Variants in CLASP1 observed in about 807,000 individuals in gnomAD.
CLASP1 encodes cytoplasmic linker associated protein 1, also known as CLIP-associating protein 1.
Under a neutral mutation model 192.3 loss-of-function variants are expected in CLASP1, and 38 were observed. The ratio of observed to expected loss-of-function variants is 0.20; its 90% CI spans 0.15 to 0.26. The LOEUF is 0.26. Ranked by LOEUF, CLASP1 falls within the 10% of genes least tolerant of loss-of-function variation. The probability of loss-of-function intolerance (pLI) is 1.00; values close to 1 mark genes in which losing one functional copy is unlikely to be tolerated. For missense variants in CLASP1, 1,433 were observed against 1,932.5 expected, an observed-to-expected ratio of 0.74 and a Z score of 4.85; for synonymous variants, 691 against 712.8, an observed-to-expected ratio of 0.97 and a Z score of 0.49.
chr2:121,379,307 T>C (rs983123245), intron 33 of CLASP1, among the ~76,000 whole-genome samples: 9 of 152,108 alleles, frequency 5.9e-5, no homozygotes, highest in African/African-American at 2.2e-4. Flanking sequence ...TGAAATTCCA[T>C]GTCTAAACTG....
At chr2:121,498,390 A>G (rs2093620104) in intron 8 of CLASP1, among the ~76,000 whole-genome samples, 2 of 151,654 alleles carry the variant, frequency 1.3e-5, no homozygotes, top group African/African-American at 4.8e-5. Flanking sequence ...GTATTTTTGT[A>G]GAGATGGAGT....
intron 8 of CLASP1, among the ~76,000 whole-genome samples, chr2:121,486,560 A>G (rs2092989058): frequency 6.6e-6 from 1 of 152,220 alleles, no homozygotes; most frequent in African/African-American, 2.4e-5. Flanking sequence ...TATCAGATCT[A>G]CACCCTGTGC....
exon 2 of CLASP1, chr2:121,606,035 T>A: frequency 1.5e-6 from 1 of 664,256 alleles, no homozygotes; most frequent in South Asian, 1.9e-5. Flanking sequence ...ATCTGGGGAA[T>A]GGCAACAATG....
chr2:121,419,347 G>A (rs540455031), intron 22 of CLASP1, among the ~76,000 whole-genome samples: 5 of 151,166 alleles, frequency 3.3e-5, no homozygotes, highest in East Asian at 1.9e-4. Context: ...TCCAATTCTC[G>A]AAACCAGCAG....
intron 22 of CLASP1, among the ~76,000 whole-genome samples, chr2:121,420,687 T>C (rs528661863): frequency 1.3e-5 from 2 of 152,248 alleles, no homozygotes; most frequent in East Asian, 3.9e-4. Flanking sequence ...CCAAAACAAA[T>C]AATAAAAAAG....
At chr2:121,523,162 A>C (rs1389361246) in intron 6 of CLASP1, among the ~76,000 whole-genome samples, 5 of 152,264 alleles carry the variant, frequency 3.3e-5, no homozygotes, top group African/African-American at 4.8e-5. Flanking sequence ...TAGGTGTCTT[A>C]CATTGCGTCA....
intron 36 of CLASP1, chr2:121,364,728 C>G: frequency 4.2e-6 from 1 of 238,772 alleles, no homozygotes; most frequent in South Asian, 6.2e-5. Context: ...AACTTTTTCT[C>G]AATTACATAT....
chr2:121,346,058 A>T (rs1038076655), intron 39 of CLASP1, among the ~76,000 whole-genome samples: 2 of 152,236 alleles, frequency 1.3e-5, no homozygotes, highest in Non-Finnish European at 2.9e-5. Context: ...AATGCTCACC[A>T]GCTGTATCAA....
chr2:121,538,536 C>A (rs1275278174), intron 2 of CLASP1, among the ~76,000 whole-genome samples: 3 of 151,826 alleles, frequency 2.0e-5, no homozygotes, highest in African/African-American at 7.3e-5. Flanking sequence ...GCCTGTAATC[C>A]CAGCAATTTG....
chr2:121,372,170 T>C (rs972490708), intron 34 of CLASP1, among the ~76,000 whole-genome samples: 1 of 152,260 alleles, frequency 6.6e-6, no homozygotes, highest in Non-Finnish European at 1.5e-5. Context: ...ATGTGGATAA[T>C]AAGCAAATAA....
chr2:121,470,742 A>AT (rs1452686256), intron 8 of CLASP1: 6 of 404,076 alleles, frequency 1.5e-5, no homozygotes, highest in Non-Finnish European at 2.9e-5. Context: ...TTCTTGATGT[A>AT]TAGTGCCAAA....
intron 39 of CLASP1, among the ~76,000 whole-genome samples, chr2:121,344,863 G>GA (rs886323917): frequency 2.0e-5 from 3 of 151,896 alleles, no homozygotes; most frequent in Non-Finnish European, 2.9e-5. Flanking sequence ...GCTATTACAT[G>GA]AAAAAAAATT....
intron 1 of CLASP1, among the ~76,000 whole-genome samples, chr2:121,616,122 C>A (rs2066417181): frequency 1.3e-5 from 2 of 152,092 alleles, no homozygotes. Flanking sequence ...AATTAAATTA[C>A]CAGCACCAGT....
chr2:121,518,067 T>TA (rs2094359534), intron 6 of CLASP1, among the ~76,000 whole-genome samples: 1 of 146,922 alleles, frequency 6.8e-6, no homozygotes, highest in Non-Finnish European at 1.5e-5. Flanking sequence ...CCGTCTCTAC[T>TA]AAAAAATACA....
intron 2 of CLASP1, 106 bp from the exon 3 acceptor site, chr2:121,530,431 G>A (rs2094743780): frequency 2.5e-6 from 2 of 790,886 alleles, no homozygotes; most frequent in South Asian, 1.6e-5. Flanking sequence ...GACGCAGTCC[G>A]AGAGTCCAGA....
At chr2:121,539,833 A>G (rs1320926289) in intron 2 of CLASP1, among the ~76,000 whole-genome samples, 2 of 152,244 alleles carry the variant, frequency 1.3e-5, no homozygotes, top group Non-Finnish European at 2.9e-5. Context: ...TTCACAGAAG[A>G]TACCAATGGT....
intron 6 of CLASP1, among the ~76,000 whole-genome samples, chr2:121,519,220 G>T (rs936410111): frequency 6.6e-6 from 1 of 152,178 alleles, no homozygotes; most frequent in African/African-American, 2.4e-5. Context: ...GTAAACTGAG[G>T]GTTGCTCTGA....
At chr2:121,458,944 C>T in exon 13 of CLASP1, 1 of 1,612,402 alleles carries the variant, frequency 6.2e-7, no homozygotes, top group Non-Finnish European at 8.5e-7. Flanking sequence ...GCTCCATGGT[C>T]AAACTTATTC....
chr2:121,530,437 C>T, intron 2 of CLASP1, 112 bp from the exon 3 acceptor site: 1 of 723,606 alleles, frequency 1.4e-6, no homozygotes, highest in Non-Finnish European at 2.4e-6. Flanking sequence ...GTCCGAGAGT[C>T]CAGACGCATG....
Sources: gnomAD v4.1 joint callset for allele counts (sites outside exome capture counted in the v4.1 genomes callset) on GRCh38, gnomAD v4.1.1 for gene constraint, MANE v1.5 for transcripts, NCBI Gene and HGNC (gene_info 2026-07-23, HGNC 2026-07-21) for gene names.